The following FRY variants were observed in gnomAD, a reference collection of about 807,000 sequenced individuals.
The protein encoded by FRY is FRY microtubule binding protein.
In FRY, 128 loss-of-function variants were observed where a neutral mutation model predicts 348.4. The ratio of observed to expected loss-of-function variants is 0.37; its 90% CI spans 0.32 to 0.43. FRY has a LOEUF of 0.43. FRY is among the 20% of genes least tolerant of loss of function. FRY has a pLI of 1.00. For missense variants in FRY, 2,736 were observed against 3,695.2 expected (o/e 0.74, Z 6.73); for synonymous variants, 1,370 against 1,374.7 (o/e 1.00, Z 0.08).
chr13:32,267,066 A>C (rs891153069), intron 54 of FRY, 104 bp from the exon 55 acceptor site: 2 of 1,002,816 alleles, frequency 2.0e-6, no homozygotes, highest in African/African-American at 3.2e-5. Context: ...GAGTGGGTAG[A>C]ATAGCTACCT....
chr13:32,134,837 T>C lies in FRY; in HGVS notation c.886-67T>C. On this transcript the variant is annotated intron_variant, in intron 8 of 60. Transcript: ENST00000542859. ...ATTAAGAGCTACTTACTGAAACTTGTTTAAATACATTCTATGTGTACATTT... is the reference window on the plus strand; with the variant it reads ...ATTAAGAGCTACTTACTGAAACTTGCTTAAATACATTCTATGTGTACATTT... 8.3e-6 allele frequency: 8 copies of C among 961,028 alleles called. No homozygotes were observed. In the South Asian group the frequency reaches 1.0e-4, roughly 12 times the overall value. The allele number at this position is 961,028 out of a possible 1,614,324, so 59.5% of individuals were successfully genotyped here. A position where few individuals can be genotyped will look rare whatever the true frequency, so the allele number is the denominator to read the frequency against.
At chr13:32,195,791 G>A (rs1883639985) in intron 29 of FRY, among the ~76,000 whole-genome samples, 3 of 152,028 alleles carry the variant, frequency 2.0e-5, no homozygotes, top group African/African-American at 7.3e-5. Context: ...CACTATCTTG[G>A]TTTCTTAGAC....
At chr13:32,231,147 A>G in intron 40 of FRY, 32 bp from the exon 41 acceptor site, 1 of 1,607,058 alleles carries the variant, frequency 6.2e-7, no homozygotes, top group Non-Finnish European at 8.5e-7. Context: ...AATGACAGTT[A>G]TATTTTTGAC....
chr13:32,083,875 G>GCC (rs961234498), intron 2 of FRY, among the ~76,000 whole-genome samples: 1 of 151,904 alleles, frequency 6.6e-6, no homozygotes, highest in African/African-American at 2.4e-5. Flanking sequence ...ACCTCTCAGG[G>GCC]CCCACATCAC....
At chr13:32,227,227 T>C (rs1037877483) in intron 39 of FRY, among the ~76,000 whole-genome samples, 2 of 152,194 alleles carry the variant, frequency 1.3e-5, no homozygotes, top group Admixed American at 6.5e-5. Flanking sequence ...ACAAAGATTA[T>C]GGGAAATGTT....
At chr13:32,075,832 C>G (rs1056612428) in intron 1 of FRY, among the ~76,000 whole-genome samples, 1 of 152,190 alleles carries the variant, frequency 6.6e-6, no homozygotes, top group African/African-American at 2.4e-5. Flanking sequence ...CAGATGCCTA[C>G]GCTGATCTGT....
chr13:32,081,018 A>C (rs578148930), intron 2 of FRY, among the ~76,000 whole-genome samples: 11 of 152,308 alleles, frequency 7.2e-5, no homozygotes, highest in African/African-American at 1.9e-4. Flanking sequence ...TTTGGATTTA[A>C]CATTTTCCCT....
chr13:32,192,000 C>T (rs535566470), intron 28 of FRY, among the ~76,000 whole-genome samples: 9 of 152,150 alleles, frequency 5.9e-5, no homozygotes, highest in African/African-American at 2.2e-4. Context: ...AAAAACTGCC[C>T]ATACTAACAA....
At chr13:32,053,719 C>A (rs1000956489) in intron 1 of FRY, among the ~76,000 whole-genome samples, 1 of 152,136 alleles carries the variant, frequency 6.6e-6, no homozygotes, top group Admixed American at 6.5e-5. Context: ...ATTTTTTAAT[C>A]CTCAAAAATA....
At chr13:32,207,215 A>G (rs1462799787) in intron 31 of FRY, among the ~76,000 whole-genome samples, 1 of 152,224 alleles carries the variant, frequency 6.6e-6, no homozygotes, top group East Asian at 1.9e-4. Flanking sequence ...AGGTCTTTTG[A>G]ATAACTGCTC....
Position 32,186,241 on chromosome 13 carries a change from AGT to A in FRY, c.3320-14_3320-13del, listed in dbSNP as rs1199193927. 1 of 1,593,474 alleles carries A rather than the reference AGT, an allele frequency of 6.3e-7. No individual in the cohort carries two copies. The highest frequency in any genetic ancestry group is 1.3e-5 in the African/African-American group (1 of 74,660). On this transcript the variant is annotated splice_polypyrimidine_tract_variant and intron_variant, in intron 26 of 60. Transcript: ENST00000542859. ...AGTATGTCCAGTCTTATAACCTCTA[AGT>A]GTGTTTTTCTCCCTAGTTCACCACC...
intron 1 of FRY, among the ~76,000 whole-genome samples, chr13:32,066,317 T>C (rs906371883): frequency 6.6e-6 from 1 of 152,238 alleles, no homozygotes; most frequent in African/African-American, 2.4e-5. Context: ...TTAGCTCTAA[T>C]GTTTTGAAAG....
At chr13:32,061,256 G>A in intron 1 of FRY, 2 of 480,576 alleles carry the variant, frequency 4.2e-6, no homozygotes, top group African/African-American at 2.0e-5. Context: ...TCAGCGGATG[G>A]GGGTGGAGGT....
intron 1 of FRY, among the ~76,000 whole-genome samples, chr13:32,039,508 GT>G (rs1227732713): frequency 6.6e-6 from 1 of 151,676 alleles, no homozygotes; most frequent in Non-Finnish European, 1.5e-5. Context: ...CCCCATACGT[GT>G]GTGAGAGAGA....
At chr13:32,147,498 C>G (rs1247298449) in intron 12 of FRY, 113 bp downstream of exon 12, 2 of 728,320 alleles carry the variant, frequency 2.7e-6, no homozygotes, top group Admixed American at 4.0e-5. Context: ...CTGACAGTTT[C>G]TAAAAGATCT....
intron 1 of FRY, among the ~76,000 whole-genome samples, chr13:32,041,855 T>G (rs989653467): frequency 6.6e-6 from 1 of 152,214 alleles, no homozygotes; most frequent in African/African-American, 2.4e-5. Flanking sequence ...TAATCCTAGT[T>G]CATGCCAATT....
At chr13:32,285,246 G>A (rs573368884) in intron 58 of FRY, among the ~76,000 whole-genome samples, 17 of 152,152 alleles carry the variant, frequency 1.1e-4, no homozygotes, top group African/African-American at 3.6e-4. Context: ...AGAACGGGAC[G>A]GTGGGACAAG....
intron 23 of FRY, among the ~76,000 whole-genome samples, chr13:32,181,749 A>G (rs1218988404): frequency 1.3e-5 from 2 of 152,054 alleles, no homozygotes; most frequent in African/African-American, 4.8e-5. Flanking sequence ...AGTCTAGAAA[A>G]CTTAATGTCT....
chr13:32,132,875 A>G (rs908537866), intron 8 of FRY, among the ~76,000 whole-genome samples: 12 of 152,240 alleles, frequency 7.9e-5, no homozygotes, highest in African/African-American at 2.7e-4. Flanking sequence ...AGTGAAGCTG[A>G]TACATGCCAC....
Sources: gnomAD v4.1 joint callset for allele counts (sites outside exome capture counted in the v4.1 genomes callset) on GRCh38, gnomAD v4.1.1 for gene constraint, MANE v1.5 for transcripts, NCBI Gene and HGNC (gene_info 2026-07-23, HGNC 2026-07-21) for gene names.